The following STPG2 variants were observed in gnomAD, a reference collection of about 807,000 sequenced individuals.
STPG2 encodes sperm tail PG-rich repeat containing 2, also known as sperm-tail PG-rich repeat-containing protein 2.
Under a neutral mutation model 54.2 loss-of-function variants are expected in STPG2, and 56 were observed. The ratio of observed to expected loss-of-function variants is 1.03; its 90% CI spans 0.83 to 1.29. The LOEUF is 1.29. Ranked by LOEUF, STPG2 falls within the 50% of genes most tolerant of loss-of-function variation. The pLI, the probability that STPG2 is intolerant of heterozygous loss-of-function variation, is 0.00. For synonymous variants in STPG2, 200 were observed against 181.8 expected (o/e 1.10, Z -0.81); for missense variants, 596 against 544.9 (o/e 1.09, Z -0.93).
chr4:97,599,927 G>T (rs369540971), intron 10 of STPG2, among the ~76,000 whole-genome samples: 2 of 152,092 alleles, frequency 1.3e-5, no homozygotes, highest in Non-Finnish European at 1.5e-5. Context: ...AGGAGATCAC[G>T]TTCTTTGCTG....
At chr4:97,833,071 A>G (rs1017818443) in intron 9 of STPG2, among the ~76,000 whole-genome samples, 2 of 152,104 alleles carry the variant, frequency 1.3e-5, no homozygotes, top group African/African-American at 4.8e-5. Flanking sequence ...AAGCAAAAAG[A>G]AAAAAAGCTG....
intron 5 of STPG2, among the ~76,000 whole-genome samples, chr4:98,084,014 C>T (rs979770101): frequency 5.3e-5 from 8 of 152,042 alleles, no homozygotes; most frequent in African/African-American, 1.9e-4. Flanking sequence ...CTACCCCACC[C>T]AGCTGTTTTG....
At chr4:97,453,323 T>G (rs1729426466) in intron 4 of STPG2, among the ~76,000 whole-genome samples, 1 of 152,196 alleles carries the variant, frequency 6.6e-6, no homozygotes. Flanking sequence ...TGTCTGACTG[T>G]GCAGTATCTG....
At chr4:97,528,986 C>T (rs909915600) in intron 4 of STPG2, among the ~76,000 whole-genome samples, 2 of 152,254 alleles carry the variant, frequency 1.3e-5, no homozygotes, top group African/African-American at 4.8e-5. Context: ...CTTTCTCTTG[C>T]CTGACTGCCC....
At chr4:97,894,490 C>T (rs1354028643) in intron 8 of STPG2, among the ~76,000 whole-genome samples, 1 of 151,986 alleles carries the variant, frequency 6.6e-6, no homozygotes, top group South Asian at 2.1e-4. Flanking sequence ...TCTACTTTGG[C>T]TGTAACTTTG....
At chr4:97,628,262 CTGAG>C (rs776760573) in intron 10 of STPG2, among the ~76,000 whole-genome samples, 8 of 152,074 alleles carry the variant, frequency 5.3e-5, no homozygotes, top group Non-Finnish European at 8.8e-5. Flanking sequence ...TCCTGTGAGA[CTGAG>C]TAAGACATCG....
chr4:97,695,664 T>A (rs989007250), intron 10 of STPG2, among the ~76,000 whole-genome samples: 1 of 151,558 alleles, frequency 6.6e-6, no homozygotes, highest in Non-Finnish European at 1.5e-5. Context: ...GGATACTACA[T>A]CAATGTACAC....
At chr4:98,026,840 T>A (rs1736439798) in intron 5 of STPG2, among the ~76,000 whole-genome samples, 1 of 152,198 alleles carries the variant, frequency 6.6e-6, no homozygotes, top group South Asian at 2.1e-4. Flanking sequence ...AGACAGTACA[T>A]TTGTAGAGGC....
At chr4:97,778,258 G>A (rs1218248920) in intron 9 of STPG2, among the ~76,000 whole-genome samples, 1 of 152,174 alleles carries the variant, frequency 6.6e-6, no homozygotes, top group African/African-American at 2.4e-5. Flanking sequence ...GGCACAAGAG[G>A]AGATTATATC....
intron 9 of STPG2, among the ~76,000 whole-genome samples, chr4:97,761,557 C>G (rs1336883642): frequency 6.6e-6 from 1 of 152,110 alleles, no homozygotes; most frequent in Non-Finnish European, 1.5e-5. Flanking sequence ...TTGATTTAAG[C>G]CACCCAGCTT....
At chr4:97,693,567 G>A (rs527597287) in intron 10 of STPG2, among the ~76,000 whole-genome samples, 14 of 152,096 alleles carry the variant, frequency 9.2e-5, no homozygotes, top group South Asian at 8.3e-4. Flanking sequence ...TGAGATAGAC[G>A]GCAATACAAT....
intron 10 of STPG2, among the ~76,000 whole-genome samples, chr4:97,620,613 C>T (rs1489309749): frequency 6.6e-6 from 1 of 152,134 alleles, no homozygotes; most frequent in African/African-American, 2.4e-5. Flanking sequence ...AATGTATATG[C>T]ACCCAACATA....
At chr4:98,015,016 T>G (rs184065073) in intron 5 of STPG2, among the ~76,000 whole-genome samples, 1 of 152,204 alleles carries the variant, frequency 6.6e-6, no homozygotes, top group Non-Finnish European at 1.5e-5. Context: ...GTTGTTTTTA[T>G]CTTACTACTT....
At chr4:97,976,577 G>T (rs1734506608) in intron 6 of STPG2, among the ~76,000 whole-genome samples, 1 of 152,104 alleles carries the variant, frequency 6.6e-6, no homozygotes, top group African/African-American at 2.4e-5. Context: ...GAGTTAAAAG[G>T]TTTAGGGGTG....
chr4:97,612,143 A>G (rs1733745866), intron 10 of STPG2, among the ~76,000 whole-genome samples: 1 of 151,822 alleles, frequency 6.6e-6, no homozygotes, highest in Non-Finnish European at 1.5e-5. Flanking sequence ...ACATACAAAA[A>G]AAATAAAATT....
intron 5 of STPG2, among the ~76,000 whole-genome samples, chr4:97,986,804 C>T (rs927203973): frequency 6.6e-6 from 1 of 152,088 alleles, no homozygotes; most frequent in Admixed American, 6.6e-5. Flanking sequence ...CTTCTTATAA[C>T]CTTTAAACAT....
intron 9 of STPG2, among the ~76,000 whole-genome samples, chr4:97,759,997 A>T (rs531410758): frequency 6.6e-6 from 1 of 152,188 alleles, no homozygotes; most frequent in African/African-American, 2.4e-5. Context: ...CTCATGGCAC[A>T]CCAAGATCAT....
At chr4:97,631,892 T>C (rs1039168012) in intron 10 of STPG2, among the ~76,000 whole-genome samples, 1 of 151,964 alleles carries the variant, frequency 6.6e-6, no homozygotes, top group Non-Finnish European at 1.5e-5. Flanking sequence ...CAATTTATAA[T>C]AGAAATAAGA....
intron 7 of STPG2, among the ~76,000 whole-genome samples, chr4:97,957,830 A>G (rs1733736756): frequency 6.6e-6 from 1 of 152,204 alleles, no homozygotes; most frequent in Non-Finnish European, 1.5e-5. Flanking sequence ...AGCTTCAGGA[A>G]TGAAGGAAAC....
Sources: allele counts gnomAD v4.1 joint callset (sites outside exome capture counted in the v4.1 genomes callset), GRCh38; gene constraint gnomAD v4.1.1; transcripts MANE v1.5; gene names NCBI Gene and HGNC (gene_info 2026-07-23, HGNC 2026-07-21).